Variants in SMIM35 observed in about 807,000 individuals in gnomAD.
SMIM35 encodes the protein TMPRSS4 antisense RNA 1 (non-protein coding).
chr11:118,058,734 C>A (rs1944352837), intron 1 of SMIM35, among the ~76,000 whole-genome samples: 1 of 152,100 alleles, frequency 6.6e-6, no homozygotes, highest in African/African-American at 2.4e-5. Flanking sequence ...TGCCTCCAGG[C>A]CAAACTGCTC....
intron 1 of SMIM35, among the ~76,000 whole-genome samples, chr11:118,027,739 G>A (rs2058286169): frequency 6.6e-6 from 1 of 152,142 alleles, no homozygotes; most frequent in African/African-American, 2.4e-5. Flanking sequence ...TCCAACACCT[G>A]TGGCAGGGAG....
At chr11:118,012,176 G>A (rs1439950349) in intron 4 of SMIM35, among the ~76,000 whole-genome samples, 2 of 152,232 alleles carry the variant, frequency 1.3e-5, no homozygotes, top group Non-Finnish European at 2.9e-5. Context: ...GCAGCTGGCT[G>A]TTCTAACTGC....
In SMIM35 at chr11:118,003,816, C is replaced by T. The variant is rs947889; in HGVS notation, c.*2594G>A. The T allele has an allele frequency of 0.61, 92,183 of 152,020 alleles. 28,630 individuals carry two copies. Among genetic ancestry groups the T allele is most frequent in the East Asian group, 0.94 (4,874 of 5,184 alleles). 9.4% of individuals were successfully genotyped at this position (152,020 alleles called of 1,614,324 possible). ...ACACCAAGCAAATAAACACAACAAA[C>T]GTATTACTACAATCAGTGATAAGTG... On this transcript the variant is annotated 3_prime_UTR_variant, in exon 5 of 5. Coordinates refer to ENST00000689828, the MANE Select transcript of SMIM35 (RefSeq NM_001394165.1).
rs536648893 is a variant in SMIM35 at position 118,021,484 on chromosome 11, G to A, written c.8-5675C>T. ...TTCCAATTATTTATTAAATTTTTCC[G>A]TTATGTCTAATTTTATATCATTTGC... On this transcript the variant is annotated intron_variant, in intron 1 of 4. Transcript: ENST00000689828. 7.2e-4 allele frequency among the ~76,000 whole-genome samples: 108 copies of A among 150,874 alleles called. 2 individuals are homozygous for A. Among genetic ancestry groups the A allele is most frequent in the South Asian group, 1.5e-3 (7 of 4,754 alleles).
rs1358499910 is a variant in SMIM35 at position 118,006,211 on chromosome 11, T to C, written c.*199A>G. 6.6e-6 allele frequency: 1 copy of C among 152,246 alleles called. No individual in the cohort carries two copies. The highest frequency in any genetic ancestry group is 6.5e-5 in the Admixed American group (1 of 15,282). 9.4% of individuals were successfully genotyped at this position (152,246 alleles called of 1,614,324 possible). ...ACACCCCGCACATGGTATGCTATAATATGCGAATGGCCGGATGGACTGCCG... is the reference window on the plus strand; with the variant it reads ...ACACCCCGCACATGGTATGCTATAACATGCGAATGGCCGGATGGACTGCCG... On this transcript the variant is annotated 3_prime_UTR_variant, in exon 5 of 5. Transcript: ENST00000689828.
chr11:118,042,016 T>A (rs689054), intron 1 of SMIM35, among the ~76,000 whole-genome samples: 71,274 of 140,978 alleles, frequency 0.51, 18,271 homozygotes, highest in East Asian at 0.65. Flanking sequence ...GCACCACTGC[T>A]CTCCAGCCTG....
In SMIM35 at chr11:118,013,684, G is replaced by C. The variant is rs139433075; in HGVS notation, c.*33+64C>G. 139 of 396,912 alleles carry C rather than the reference G, an allele frequency of 3.5e-4. 2 individuals are homozygous for C. Among genetic ancestry groups the C allele is most frequent in the African/African-American group, 2.8e-3 (136 of 48,674 alleles). The allele number at this position is 396,912 out of a possible 1,614,324, so 24.6% of individuals were successfully genotyped here. Reference sequence around the variant, plus strand: ...TCCTTGGTGCGAGGCTTGGGTGACTGGACCCTCTTAGGACCTTACTTGGAC... The same window carrying C: ...TCCTTGGTGCGAGGCTTGGGTGACTCGACCCTCTTAGGACCTTACTTGGAC... On this transcript the variant is annotated intron_variant, in intron 4 of 4. Transcript: ENST00000689828.
chr11:118,011,343 C>T (rs112916943), intron 4 of SMIM35, among the ~76,000 whole-genome samples: 2,038 of 152,264 alleles, frequency 0.013, 45 homozygotes, highest in African/African-American at 0.047. Context: ...CTAGGGTGGC[C>T]GGGCATGGAC....
intron 1 of SMIM35, among the ~76,000 whole-genome samples, chr11:118,029,501 T>C (rs1221890150): frequency 6.6e-6 from 1 of 152,168 alleles, no homozygotes; most frequent in Non-Finnish European, 1.5e-5. Context: ...AAAAGTTTCT[T>C]CTTGCCAGCT....
chr11:118,008,436 C>G (rs916336999), intron 4 of SMIM35, among the ~76,000 whole-genome samples: 2 of 152,210 alleles, frequency 1.3e-5, no homozygotes. Context: ...GCTCCTGGCA[C>G]CAGGCCCCCT....
At chr11:118,064,348 A>G (rs1000367120) in intron 1 of SMIM35, among the ~76,000 whole-genome samples, 1 of 152,228 alleles carries the variant, frequency 6.6e-6, no homozygotes, top group Non-Finnish European at 1.5e-5. Flanking sequence ...TTGATTTCAT[A>G]CACTGTGTTC....
chr11:118,013,138 G>A (rs933169449), intron 4 of SMIM35, among the ~76,000 whole-genome samples: 4 of 152,180 alleles, frequency 2.6e-5, no homozygotes, highest in Non-Finnish European at 2.9e-5. Flanking sequence ...GGCTGGTGGC[G>A]TATCCAGAGG....
At chr11:118,043,998 G>A (rs1762969407) in intron 1 of SMIM35, among the ~76,000 whole-genome samples, 1 of 151,768 alleles carries the variant, frequency 6.6e-6, no homozygotes, top group South Asian at 2.1e-4. Context: ...ACTTCTAATG[G>A]GAGAATTGTA....
chr11:118,007,474 C>T (rs961520870), intron 4 of SMIM35, among the ~76,000 whole-genome samples: 2 of 152,108 alleles, frequency 1.3e-5, no homozygotes, highest in Non-Finnish European at 2.9e-5. Flanking sequence ...TGGCTCACTG[C>T]AACCTCTGCC....
intron 1 of SMIM35, among the ~76,000 whole-genome samples, chr11:118,065,559 C>T (rs1029273003): frequency 2.0e-5 from 3 of 152,170 alleles, no homozygotes; most frequent in Admixed American, 6.5e-5. Flanking sequence ...TTTCCACAGG[C>T]GAATCAGACA....
intron 1 of SMIM35, among the ~76,000 whole-genome samples, chr11:118,017,331 G>T (rs1343462288): frequency 1.3e-5 from 2 of 152,154 alleles, no homozygotes; most frequent in African/African-American, 4.8e-5. Flanking sequence ...GACAGCAAGA[G>T]CCCAGATAAG....
intron 1 of SMIM35, among the ~76,000 whole-genome samples, chr11:118,064,555 A>T (rs1944439787): frequency 6.6e-6 from 1 of 152,190 alleles, no homozygotes; most frequent in African/African-American, 2.4e-5. Flanking sequence ...AGTAGCTGGG[A>T]CTACAGGCAT....
At chr11:118,071,772 TGA>T (rs1944575411) in intron 1 of SMIM35, among the ~76,000 whole-genome samples, 1 of 152,166 alleles carries the variant, frequency 6.6e-6, no homozygotes, top group African/African-American at 2.4e-5. Context: ...TACCCACTCC[TGA>T]GTGTGGGAAG....
intron 1 of SMIM35, among the ~76,000 whole-genome samples, chr11:118,074,253 GAC>G (rs1179453622): frequency 6.6e-6 from 1 of 152,050 alleles, no homozygotes; most frequent in East Asian, 1.9e-4. Context: ...CTCGGATCTT[GAC>G]ACACATGCTG....
Sources: gnomAD v4.1 joint callset for allele counts (sites outside exome capture counted in the v4.1 genomes callset) on GRCh38, gnomAD v4.1.1 for gene constraint, MANE v1.5 for transcripts, NCBI Gene and HGNC (gene_info 2026-07-23, HGNC 2026-07-21) for gene names.